Variants in B3GAT1 observed in about 807,000 individuals in gnomAD.
B3GAT1 encodes beta-1,3-glucuronyltransferase 1, also known as galactosylgalactosylxylosylprotein 3-beta-glucuronosyltransferase 1.
In B3GAT1, 11 loss-of-function variants were observed where a neutral mutation model predicts 28.4. The ratio of observed to expected loss-of-function variants is 0.39; its 90% CI spans 0.24 to 0.64. The LOEUF (loss-of-function observed/expected upper bound fraction) is 0.64, where lower values mean the gene tolerates loss of function less well. B3GAT1 is among the 30% of genes least tolerant of loss of function. The pLI, the probability that B3GAT1 is intolerant of heterozygous loss-of-function variation, is 0.50. For synonymous variants in B3GAT1, 255 were observed against 223.1 expected, an observed-to-expected ratio of 1.14 and a Z score of -1.27; for missense variants, 375 against 491.0, an observed-to-expected ratio of 0.76 and a Z score of 2.23.
intron 5 of B3GAT1, chr11:134,381,631 T>C: frequency 2.8e-6 from 1 of 363,246 alleles, no homozygotes; most frequent in Non-Finnish European, 5.1e-6. Flanking sequence ...TGGCAGTGCC[T>C]TGTGGGGTGC....
At chr11:134,402,586 C>T (rs966315705) in intron 1 of B3GAT1, among the ~76,000 whole-genome samples, 4 of 152,124 alleles carry the variant, frequency 2.6e-5, no homozygotes, top group Admixed American at 1.3e-4. Flanking sequence ...TGTCAGCTAA[C>T]CCCCCTGCCT....
chr11:134,382,178 T>C (rs939639847), intron 4 of B3GAT1, among the ~76,000 whole-genome samples, 154 bp from the exon 5 acceptor site: 2 of 152,272 alleles, frequency 1.3e-5, no homozygotes, highest in African/African-American at 4.8e-5. Flanking sequence ...CTCAATTGTT[T>C]TTTATTTATT....
At chr11:134,384,431 C>G in intron 2 of B3GAT1, 2 of 512,312 alleles carry the variant, frequency 3.9e-6, no homozygotes, top group Non-Finnish European at 3.4e-6. Flanking sequence ...CTTTGCAGCC[C>G]TCTAGCTATT....
At chr11:134,381,458 TG>T (rs1338210320) in intron 5 of B3GAT1, among the ~76,000 whole-genome samples, 1 of 152,234 alleles carries the variant, frequency 6.6e-6, no homozygotes, top group Non-Finnish European at 1.5e-5. Context: ...AGGTGGGCTC[TG>T]GGTCCGTGCT....
intron 1 of B3GAT1, among the ~76,000 whole-genome samples, chr11:134,401,164 A>G: frequency 6.6e-6 from 1 of 152,240 alleles, no homozygotes; most frequent in East Asian, 1.9e-4. Context: ...GAGTTCAGCC[A>G]CTGTGGAATG....
At chr11:134,409,314 G>T (rs1343611024) in intron 1 of B3GAT1, among the ~76,000 whole-genome samples, 1 of 152,144 alleles carries the variant, frequency 6.6e-6, no homozygotes, top group Non-Finnish European at 1.5e-5. Context: ...TTTTGCCTGG[G>T]GGCCTGGGGA....
intron 1 of B3GAT1, among the ~76,000 whole-genome samples, chr11:134,392,637 C>A (rs1405059088): frequency 6.6e-6 from 1 of 152,176 alleles, no homozygotes; most frequent in African/African-American, 2.4e-5. Context: ...TCCCAAAGTG[C>A]TGAGATTACA....
At chr11:134,397,792 T>G (rs1944532902) in intron 1 of B3GAT1, among the ~76,000 whole-genome samples, 1 of 152,244 alleles carries the variant, frequency 6.6e-6, no homozygotes, top group Non-Finnish European at 1.5e-5. Flanking sequence ...CTCCATGCCC[T>G]GCCTGCTCCT....
chr11:134,402,030 T>C (rs1944627034), intron 1 of B3GAT1, among the ~76,000 whole-genome samples: 1 of 151,082 alleles, frequency 6.6e-6, no homozygotes, highest in Non-Finnish European at 1.5e-5. Context: ...CCTGGCGCTG[T>C]GGCCCTGGCT....
intron 1 of B3GAT1, chr11:134,409,647 G>A (rs1944811751): frequency 1.3e-5 from 2 of 152,434 alleles, no homozygotes; most frequent in South Asian, 4.1e-4. Context: ...CTGCAGGGGT[G>A]GACAATTGCT....
chr11:134,407,911 C>A (rs1311401260), intron 1 of B3GAT1, among the ~76,000 whole-genome samples: 3 of 152,162 alleles, frequency 2.0e-5, no homozygotes. Flanking sequence ...GCTCTCTGAC[C>A]ACCCTGTCAC....
intron 1 of B3GAT1, among the ~76,000 whole-genome samples, chr11:134,407,988 G>T (rs901886020): frequency 6.6e-6 from 1 of 151,768 alleles, no homozygotes; most frequent in South Asian, 2.1e-4. Context: ...TTTTTTAGAC[G>T]ACCATTTGCT....
At chr11:134,397,227 C>T (rs1186434008) in intron 1 of B3GAT1, among the ~76,000 whole-genome samples, 4 of 152,270 alleles carry the variant, frequency 2.6e-5, no homozygotes, top group South Asian at 2.1e-4. Flanking sequence ...ATCTCTCTGA[C>T]GCCTGCCTTT....
chr11:134,379,771 AGGAGGT>A lies in B3GAT1; in HGVS notation c.*985_*990del, dbSNP rs1944084740. 6.6e-6 allele frequency: 1 copy of A among 152,376 alleles called. No individual in the cohort carries two copies. 9.4% of individuals were successfully genotyped at this position (152,376 alleles called of 1,614,324 possible). ...GGCCTCCCTCCTCTTTCCAGGCTGC[AGGAGGT>A]CCCACCTTGCCCACCACCCACCGCC... On this transcript the variant is annotated 3_prime_UTR_variant, in exon 6 of 6. Coordinates refer to ENST00000312527, the MANE Select transcript of B3GAT1 (RefSeq NM_054025.3).
At chr11:134,387,480 C>T (rs767920899) in intron 2 of B3GAT1, 68 bp downstream of exon 2, 12 of 1,588,068 alleles carry the variant, frequency 7.6e-6, no homozygotes, top group African/African-American at 2.7e-5. Context: ...AAGAACCCTG[C>T]GTGTCAGCTG....
Position 134,383,849 on chromosome 11 carries a change from T to A in B3GAT1, c.452A>T (p.Asn151Ile). Residue 151 changes from asparagine to isoleucine, a missense_variant, in exon 3 of 6, where the codon AAC becomes ATC. Coordinates refer to ENST00000312527, the MANE Select transcript of B3GAT1 (RefSeq NM_054025.3). The stretch of plus-strand genomic sequence containing the variant: ...GCGGGCGTCTCCGCGCAGCTTGTAG[T>A]TGCGGGGCGTCTCCACGTGCAGGTG... ...YTHLHVETPR[N>I]YKLRGDARDP... The A allele has an allele frequency of 6.3e-7, 1 of 1,595,786 alleles. No individual in the cohort carries two copies. Among genetic ancestry groups the A allele is most frequent in the Non-Finnish European group, 8.5e-7 (1 of 1,173,956 alleles).
chr11:134,381,894 G>A, intron 5 of B3GAT1, 30 bp downstream of exon 5: 6 of 1,566,530 alleles, frequency 3.8e-6, no homozygotes, highest in Non-Finnish European at 5.3e-6. Context: ...GCCCTGCCCA[G>A]TGTGTGGCCC....
At chr11:134,381,206 A>C (rs921002152) in intron 5 of B3GAT1, among the ~76,000 whole-genome samples, 3 of 152,194 alleles carry the variant, frequency 2.0e-5, no homozygotes, top group Non-Finnish European at 4.4e-5. Flanking sequence ...CCAGTGTGTC[A>C]CCTTGGAACA....
chr11:134,397,494 C>T (rs1944527800), intron 1 of B3GAT1, among the ~76,000 whole-genome samples: 1 of 152,246 alleles, frequency 6.6e-6, no homozygotes, highest in South Asian at 2.1e-4. Context: ...GCAACGTGGC[C>T]CATGCCAGAG....
Sources: gnomAD v4.1 joint callset for allele counts (sites outside exome capture counted in the v4.1 genomes callset) on GRCh38, gnomAD v4.1.1 for gene constraint, MANE v1.5 for transcripts, NCBI Gene and HGNC (gene_info 2026-07-23, HGNC 2026-07-21) for gene names.